Variants in PAPOLG observed in about 807,000 individuals in gnomAD.
PAPOLG encodes the protein poly(A) polymerase gamma.
A neutral mutation model predicts 99.0 loss-of-function variants in PAPOLG; 40 were observed. The observed-to-expected ratio is 0.40, with a 90% confidence interval of 0.31 to 0.53. The LOEUF (loss-of-function observed/expected upper bound fraction) is 0.53, where lower values mean the gene tolerates loss of function less well. Among genes scored for constraint, PAPOLG ranks in the 20% least tolerant of loss-of-function variants. The probability of loss-of-function intolerance (pLI) is 0.41; values close to 1 mark genes in which losing one functional copy is unlikely to be tolerated. For missense variants in PAPOLG, 675 were observed against 884.1 expected, an observed-to-expected ratio of 0.76 and a Z score of 3.00; for synonymous variants, 310 against 299.3, an observed-to-expected ratio of 1.04 and a Z score of -0.37.
At chr2:60,795,136 T>C (rs945642204) in intron 21 of PAPOLG, 116 bp downstream of exon 21, 31 of 874,808 alleles carry the variant, frequency 3.5e-5, no homozygotes, top group Non-Finnish European at 5.4e-5. Context: ...ATTTTGTCCC[T>C]GTCCCCAAGG....
At chr2:60,761,885 G>C in intron 3 of PAPOLG, 78 bp downstream of exon 3, 1 of 1,028,234 alleles carries the variant, frequency 9.7e-7, no homozygotes. Context: ...TGCAGGTGTT[G>C]AGAAGTATCT....
At chr2:60,772,966 C>G (rs1670900957) in intron 7 of PAPOLG, among the ~76,000 whole-genome samples, 1 of 151,996 alleles carries the variant, frequency 6.6e-6, no homozygotes, top group Non-Finnish European at 1.5e-5. Context: ...CACACTGTTA[C>G]CCAGGCTGGA....
chr2:60,774,650 GT>G (rs377242641), intron 7 of PAPOLG, among the ~76,000 whole-genome samples: 25 of 152,286 alleles, frequency 1.6e-4, no homozygotes, highest in African/African-American at 6.0e-4. Flanking sequence ...GAGAACCAAT[GT>G]TTTATAGTGT....
At chr2:60,795,181 A>G (rs1300070731) in intron 21 of PAPOLG, 161 bp downstream of exon 21, 2 of 672,968 alleles carry the variant, frequency 3.0e-6, no homozygotes, top group Non-Finnish European at 5.3e-6. Context: ...GATAGCAAGT[A>G]TATAGTTCTG....
intron 8 of PAPOLG, among the ~76,000 whole-genome samples, chr2:60,776,506 C>G (rs1311781206): frequency 6.8e-6 from 1 of 146,610 alleles, no homozygotes; most frequent in African/African-American, 2.6e-5. Flanking sequence ...CAGCTCACGG[C>G]AACCACCGCC....
intron 5 of PAPOLG, 52 bp downstream of exon 5, chr2:60,768,942 C>T: frequency 3.0e-6 from 4 of 1,323,012 alleles, no homozygotes; most frequent in South Asian, 1.4e-5. Context: ...TAACAAATAT[C>T]TATAAAAACT....
intron 21 of PAPOLG, 108 bp from the exon 22 acceptor site, chr2:60,796,954 A>AG: frequency 2.9e-6 from 4 of 1,398,734 alleles, no homozygotes; most frequent in Non-Finnish European, 3.9e-6. Context: ...TAGGAGCTAG[A>AG]GGGTTTGGGA....
chr2:60,757,461 C>T (rs186607735), intron 1 of PAPOLG, among the ~76,000 whole-genome samples: 3 of 152,122 alleles, frequency 2.0e-5, no homozygotes, highest in East Asian at 1.9e-4. Context: ...TTTTTTAATG[C>T]TATTACTACA....
At chr2:60,783,242 G>C in intron 13 of PAPOLG, 33 bp downstream of exon 13, 1 of 1,366,284 alleles carries the variant, frequency 7.3e-7, no homozygotes, top group Non-Finnish European at 1.0e-6. Flanking sequence ...TCTACCTACT[G>C]TGTGGTGATA....
At chr2:60,758,966 G>T (rs1670441106) in intron 1 of PAPOLG, among the ~76,000 whole-genome samples, 1 of 152,174 alleles carries the variant, frequency 6.6e-6, no homozygotes, top group African/African-American at 2.4e-5. Context: ...AGTGTTGGTC[G>T]TTTAGTGTGT....
At chr2:60,773,603 A>G (rs1180213389) in intron 7 of PAPOLG, among the ~76,000 whole-genome samples, 1 of 152,108 alleles carries the variant, frequency 6.6e-6, no homozygotes, top group African/African-American at 2.4e-5. Context: ...TTATTCATGC[A>G]TGATTTTGTA....
rs367970472 is a variant in PAPOLG, at chr2:60,797,208, A to G, written c.*48A>G. 14 of 1,595,168 alleles carry G rather than the reference A, an allele frequency of 8.8e-6. No individual in the cohort carries two copies. The African/African-American group carries it at 1.3e-4, about 15-fold the overall frequency. On this transcript the variant is annotated 3_prime_UTR_variant, in exon 22 of 22. Coordinates refer to ENST00000238714, the MANE Select transcript of PAPOLG (RefSeq NM_022894.4). ...TGAACAAGCAATCATTTAGTGGCAT[A>G]GATGCAGCCACTTGTTTTTTAAATA...
At chr2:60,768,115 T>C (rs753068032) in intron 3 of PAPOLG, among the ~76,000 whole-genome samples, 8 of 152,184 alleles carry the variant, frequency 5.3e-5, no homozygotes, top group Non-Finnish European at 1.2e-4. Flanking sequence ...TTTTTTTTAT[T>C]TTTTGAGACA....
intron 19 of PAPOLG, 76 bp from the exon 20 acceptor site, chr2:60,794,634 G>A: frequency 8.0e-7 from 1 of 1,248,888 alleles, no homozygotes; most frequent in Admixed American, 2.1e-5. Context: ...CCAATAACTA[G>A]TTTTCCAGTT....
At chr2:60,764,497 A>G (rs956415119) in intron 3 of PAPOLG, among the ~76,000 whole-genome samples, 1 of 151,166 alleles carries the variant, frequency 6.6e-6, no homozygotes, top group Non-Finnish European at 1.5e-5. Flanking sequence ...GCTCACTGCA[A>G]CCTCCGCCTC....
At chr2:60,779,567 G>C (rs1293028555) in intron 8 of PAPOLG, 70 bp from the exon 9 acceptor site, 1 of 1,492,136 alleles carries the variant, frequency 6.7e-7, no homozygotes, top group African/African-American at 1.4e-5. Flanking sequence ...ACCTTGTAAA[G>C]AGCAGAAAAA....
chr2:60,798,885 A>C lies in PAPOLG; in HGVS notation c.*1725A>C, dbSNP rs764681775. On this transcript the variant is annotated 3_prime_UTR_variant, in exon 22 of 22. Coordinates refer to ENST00000238714, the MANE Select transcript of PAPOLG (RefSeq NM_022894.4). ...AGAGTCTTAGAAGTAAAGAACAACA[A>C]GGAAAAAAATGTTTGTTCTATTATT... 2.6e-5 allele frequency: 4 copies of C among 152,378 alleles called. No homozygotes were observed. The highest frequency in any genetic ancestry group is 4.4e-5 in the Non-Finnish European group (3 of 68,046). 9.4% of individuals were successfully genotyped at this position (152,378 alleles called of 1,614,324 possible).
chr2:60,796,985 T>C (rs1445996225), intron 21 of PAPOLG, 77 bp from the exon 22 acceptor site: 1 of 1,573,734 alleles, frequency 6.4e-7, no homozygotes, highest in Non-Finnish European at 8.6e-7. Context: ...CCAAGTTTTG[T>C]GACTGACTTT....
chr2:60,794,882 C>A, intron 20 of PAPOLG, 82 bp from the exon 21 acceptor site: 1 of 1,574,240 alleles, frequency 6.4e-7, no homozygotes, highest in Non-Finnish European at 8.7e-7. Context: ...TTCAGGTTTT[C>A]GTTAGGTTTT....
Sources: gnomAD v4.1 joint callset for allele counts (sites outside exome capture counted in the v4.1 genomes callset) on GRCh38, gnomAD v4.1.1 for gene constraint, MANE v1.5 for transcripts, NCBI Gene and HGNC (gene_info 2026-07-23, HGNC 2026-07-21) for gene names.